Variants in MUC4 observed in about 807,000 individuals in gnomAD.
MUC4 encodes mucin 4, cell surface associated, also known as mucin-4.
MUC4 carries 202 observed loss-of-function variants against 257.9 expected under a neutral mutation model. That is an observed-to-expected ratio of 0.78 (90% CI 0.70 to 0.88). MUC4 has a LOEUF of 0.88. MUC4 is among the 40% of genes least tolerant of loss of function. The pLI is 0.00. For synonymous variants in MUC4, 2,351 were observed against 2,757.1 expected, an observed-to-expected ratio of 0.85 and a Z score of 4.62; for missense variants, 5,976 against 6,513.7, an observed-to-expected ratio of 0.92 and a Z score of 2.84.
chr3:195,783,472 G>C lies in MUC4; in HGVS notation c.8108C>G (p.Thr2703Ser). The change falls in exon 2 of 25, where the codon ACC becomes AGC. Residue 2703 changes from threonine (T) to serine (S), a missense_variant. Coordinates refer to ENST00000463781, the MANE Select transcript of MUC4 (RefSeq NM_018406.7). ...GGAAGTGTCGGTGACAGGAAGAGAGGTGGTGTCACCTGTGGATGCTGAGGA... is the reference window on the plus strand; with the variant it reads ...GGAAGTGTCGGTGACAGGAAGAGAGCTGGTGTCACCTGTGGATGCTGAGGA... ...DTSSASTGDT[T>S]SLPVTDTSSA... 6 of 965,738 alleles carry C rather than the reference G, an allele frequency of 6.2e-6. No homozygotes were observed. The highest frequency in any genetic ancestry group is 4.7e-5 in the African/African-American group (1 of 21,106). 59.8% of individuals were successfully genotyped at this position (965,738 alleles called of 1,614,324 possible).
At chr3:195,750,773 G>A (rs1716232247) in intron 23 of MUC4, 116 bp downstream of exon 23, 10 of 1,001,728 alleles carry the variant, frequency 1.0e-5, no homozygotes, top group South Asian at 1.6e-5. Context: ...TCACGTTTTC[G>A]CTCAAAACCA....
intron 7 of MUC4, among the ~76,000 whole-genome samples, chr3:195,767,817 C>CCAT (rs1721661104): frequency 1.0e-5 from 1 of 95,352 alleles, no homozygotes; most frequent in Non-Finnish European, 2.0e-5. Flanking sequence ...ACCACCATCA[C>CCAT]CACCACCACC....
chr3:195,787,879 G>A lies in MUC4; in HGVS notation c.3701C>T (p.Pro1234Leu), dbSNP rs1355469086. The change falls in exon 2 of 25, where the codon CCT becomes CTT. Residue 1234 changes from proline to leucine, a missense_variant. Coordinates refer to ENST00000463781, the MANE Select transcript of MUC4 (RefSeq NM_018406.7). The stretch of plus-strand genomic sequence containing the variant: ...GGATGCTGCGGAAGGGATGGTTACA[G>A]GAAGAGAGGTGGCGTGATCTGTGGA... ...SVSTDHATSL[P>L]VTIPSAASTG... is the part of the protein sequence containing the mutation. The A allele has an allele frequency of 1.7e-6, 1 of 576,210 alleles. No individual in the cohort carries two copies. Among genetic ancestry groups the A allele is most frequent in the East Asian group, 3.2e-5 (1 of 31,346 alleles). The allele number at this position is 576,210 out of a possible 1,614,324, so 35.7% of individuals were successfully genotyped here.
chr3:195,778,141 C>A, intron 3 of MUC4, 162 bp downstream of exon 3: 1 of 941,996 alleles, frequency 1.1e-6, no homozygotes, highest in South Asian at 2.0e-5. Flanking sequence ...GGCCCAGTGC[C>A]ATGCACAAAG....
Position 195,778,325 on chromosome 3 carries a change from G to A in MUC4, c.12921C>T (p.Pro4307=), listed in dbSNP as rs1392029258. Residue 4307 remains proline, a synonymous_variant, in exon 3 of 25, where the codon CCC becomes CCT. Coordinates refer to ENST00000463781, the MANE Select transcript of MUC4 (RefSeq NM_018406.7). The stretch of plus-strand genomic sequence containing the variant: ...CACCTCTCTCAGGCAGGATGGGGAT[G>A]GGGGCAGCTGTGGAGCGGGTGTGCA... ...TAMHTRSTAA[P]IPILPERGVS... 8.7e-6 allele frequency: 14 copies of A among 1,611,672 alleles called. No homozygotes were observed. The highest frequency in any genetic ancestry group is 1.7e-5 in the Admixed American group (1 of 59,810).
chr3:195,761,701 C>G, intron 14 of MUC4, 116 bp from the exon 15 acceptor site: 1 of 783,082 alleles, frequency 1.3e-6, no homozygotes, highest in Non-Finnish European at 2.1e-6. Context: ...GCTCTTGCAC[C>G]TGCTGTCAGG....
rs1423854071 is a variant in MUC4, at chr3:195,788,798, C to T, written c.2782G>A (p.Ala928Thr). 2.5e-6 allele frequency: 4 copies of T among 1,613,842 alleles called. No individual in the cohort carries two copies. The highest frequency in any genetic ancestry group is 1.7e-5 in the Admixed American group (1 of 59,998). ...GGGACTGTTGAGAAGGTGTCGGTTG[C>T]CTGGGACGCCAGGCTGATAGTGTCA... ...GSDTISLASQ[A>T]TDTFSTVPPT... Residue 928 changes from alanine to threonine, a missense_variant, in exon 2 of 25, where the codon GCA becomes ACA. Coordinates refer to ENST00000463781, the MANE Select transcript of MUC4 (RefSeq NM_018406.7).
chr3:195,764,840 C>T (rs908420189), intron 10 of MUC4, among the ~76,000 whole-genome samples, 157 bp downstream of exon 10: 8 of 152,114 alleles, frequency 5.3e-5, no homozygotes, highest in Non-Finnish European at 8.8e-5. Flanking sequence ...CCCGAATGTC[C>T]GCTGGTGGGG....
rs1717910874 is a variant in MUC4 at position 195,757,533 on chromosome 3, C to A, written c.14987-205G>T. 6.6e-6 allele frequency among the ~76,000 whole-genome samples: 1 copy of A among 152,104 alleles called. No individual in the cohort carries two copies. The highest frequency in any genetic ancestry group is 1.5e-5 in the Non-Finnish European group (1 of 68,030). On this transcript the variant is annotated intron_variant, in intron 17 of 24. Coordinates refer to ENST00000463781, the MANE Select transcript of MUC4 (RefSeq NM_018406.7). The surrounding 1 kb of genome is among the most constrained non-coding windows in gnomAD (Gnocchi z 4.8). ...CTGGAAGGACGTGGCACCAGTCCAA[C>A]ATACTGATTGTAGCGGGGAACGCCA... is the stretch of plus-strand genomic sequence containing the variant.
chr3:195,770,950 T>C (rs13070616), intron 5 of MUC4: 6,835 of 430,508 alleles, frequency 0.016, 752 homozygotes, highest in African/African-American at 0.14. Context: ...GGTCTTCTCG[T>C]GGCCGGGTTG....
Position 195,783,426 on chromosome 3 carries a change from G to A in MUC4, c.8154C>T (p.Thr2718=). The change falls in exon 2 of 25, where the codon ACC becomes ACT. Residue 2718 remains threonine (T), a synonymous_variant. Coordinates refer to ENST00000463781, the MANE Select transcript of MUC4 (RefSeq NM_018406.7). ...AAGTGTCGGTGACAGGAAGAGAGGT[G>A]GTGTCACCTGTGTATGCTGAGGAAG... ...TDTSSAYTGD[T]TSLPVTDTSS... 2 of 638,432 alleles carry A rather than the reference G, an allele frequency of 3.1e-6. No homozygotes were observed. The highest frequency in any genetic ancestry group is 4.5e-6 in the Non-Finnish European group (2 of 445,098). 39.5% of individuals were successfully genotyped at this position (638,432 alleles called of 1,614,324 possible).
intron 1 of MUC4, among the ~76,000 whole-genome samples, chr3:195,798,876 C>A (rs55679308): frequency 0.069 from 10,541 of 152,108 alleles, 461 homozygotes; most frequent in Middle Eastern, 0.19. Context: ...ATGGCAGTTC[C>A]TTGCTTCCCC....
chr3:195,769,099 C>G lies in MUC4; in HGVS notation c.13452G>C (p.Leu4484=). Residue 4484 remains leucine, a synonymous_variant, in exon 7 of 25, where the codon CTG becomes CTC. Transcript: ENST00000463781. ...GCATCCCACCGCTCTGGTAGAGAAA[C>G]AGGGCATAGGACCTGCTCCCGTCCG... The part of the protein sequence containing the change: ...LSTDGSRSYA[L]FLYQSGGMQW... 6.2e-7 allele frequency: 1 copy of G among 1,614,156 alleles called. No homozygotes were observed. Among genetic ancestry groups the G allele is most frequent in the Non-Finnish European group, 8.5e-7 (1 of 1,180,014 alleles).
At position 195,782,697 on chromosome 3, in the gene MUC4, A is replaced by T; in HGVS notation, c.8883T>A (p.Leu2961=). The change falls in exon 2 of 25, where the codon CTT becomes CTA. Residue 2961 remains leucine, a synonymous_variant. Coordinates refer to ENST00000463781, the MANE Select transcript of MUC4 (RefSeq NM_018406.7). The stretch of plus-strand genomic sequence containing the variant: ...ATGCTGAGGAAGTGTCGGTGACAGG[A>T]AGAGAGGTGGCGTGACCTGTGGATG... ...SSASTGHATS[L]PVTDTSSAST... is the part of the protein sequence containing the mutation. 1 of 1,339,204 alleles carries T rather than the reference A, an allele frequency of 7.5e-7. No homozygotes were observed. The highest frequency in any genetic ancestry group is 2.2e-5 in the Admixed American group (1 of 45,952). The allele number at this position is 1,339,204 out of a possible 1,614,324, so 83.0% of individuals were successfully genotyped here. A position where few individuals can be genotyped will look rare whatever the true frequency, so the allele number is the denominator to read the frequency against.
intron 4 of MUC4, among the ~76,000 whole-genome samples, chr3:195,773,559 C>T (rs1723648635): frequency 7.0e-6 from 1 of 143,624 alleles, no homozygotes; most frequent in Non-Finnish European, 1.5e-5. Context: ...CTCTCTATCG[C>T]TCAGCAGGTG....
chr3:195,778,175 T>G, intron 3 of MUC4, 128 bp downstream of exon 3: 1 of 1,256,646 alleles, frequency 8.0e-7, no homozygotes, highest in Non-Finnish European at 1.1e-6. Flanking sequence ...GCGACTCCGA[T>G]GCTGTGTCCC....
chr3:195,751,503 C>T, intron 21 of MUC4: 1 of 595,040 alleles, frequency 1.7e-6, no homozygotes, highest in Non-Finnish European at 3.0e-6. Flanking sequence ...CATTCTGTCC[C>T]CCCCTCAGCC....
intron 7 of MUC4, among the ~76,000 whole-genome samples, chr3:195,768,380 C>G (rs1432894448): frequency 7.9e-5 from 12 of 152,228 alleles, no homozygotes; most frequent in Admixed American, 7.2e-4. Context: ...AGACAGCCTC[C>G]CACACACGGG....
In MUC4 at chr3:195,789,318, T is replaced by C. The variant is rs758138005; in HGVS notation, c.2262A>G (p.Gln754=). The C allele has an allele frequency of 1.9e-6, 3 of 1,613,878 alleles. No individual in the cohort carries two copies. The highest frequency in any genetic ancestry group is 2.5e-6 in the Non-Finnish European group (3 of 1,179,848). The stretch of plus-strand genomic sequence containing the variant: ...AGGTGCTGGCAGAGGCTGATGTCCA[T>C]TGTCCTTCTGGGCCCCCTGGTGTTG... ...VVSTPGGPEG[Q]WTSASASTSP... Residue 754 remains glutamine, a synonymous_variant, in exon 2 of 25, where the codon CAA becomes CAG. Coordinates refer to ENST00000463781, the MANE Select transcript of MUC4 (RefSeq NM_018406.7).
Sources: gnomAD v4.1 joint callset for allele counts (sites outside exome capture counted in the v4.1 genomes callset) on GRCh38, gnomAD v4.1.1 for gene constraint, Gnocchi (gnomAD v3.1) non-coding constraint, MANE v1.5 for transcripts, NCBI Gene and HGNC (gene_info 2026-07-23, HGNC 2026-07-21) for gene names.